PTPRD: variants seen among roughly 807,000 people sequenced by gnomAD.
PTPRD encodes the protein protein tyrosine phosphatase receptor type D, also known as receptor-type tyrosine-protein phosphatase delta.
In PTPRD, 34 loss-of-function variants were observed where a neutral mutation model predicts 214.5. That is an observed-to-expected ratio of 0.16 (90% confidence interval 0.12 to 0.21). The LOEUF (loss-of-function observed/expected upper bound fraction) is 0.21, where lower values mean the gene tolerates loss of function less well. PTPRD is among the 10% of genes least tolerant of loss of function. The pLI, the probability that PTPRD is intolerant of heterozygous loss-of-function variation, is 1.00. For missense variants in PTPRD, 2,545 were observed against 2,398.7 expected (o/e 1.06, Z -1.27); for synonymous variants, 1,128 against 845.7 (o/e 1.33, Z -5.79).
chr9:10,323,835 T>A (rs1039409362), intron 3 of PTPRD, among the ~76,000 whole-genome samples: 1 of 151,986 alleles, frequency 6.6e-6, no homozygotes, highest in Non-Finnish European at 1.5e-5. Context: ...AAAGAAGAGA[T>A]AACCTCCAAG....
intron 5 of PTPRD, among the ~76,000 whole-genome samples, chr9:9,879,861 G>T (rs1351467271): frequency 6.6e-6 from 1 of 152,172 alleles, no homozygotes; most frequent in Non-Finnish European, 1.5e-5. Context: ...AGAGCCTGGA[G>T]ATAAGAATAA....
At chr9:9,477,972 T>C (rs1007221149) in intron 8 of PTPRD, among the ~76,000 whole-genome samples, 1 of 152,216 alleles carries the variant, frequency 6.6e-6, no homozygotes, top group African/African-American at 2.4e-5. Flanking sequence ...CCAGGATTGA[T>C]AACCACTGGT....
At chr9:9,380,882 G>A (rs1048126176) in intron 9 of PTPRD, among the ~76,000 whole-genome samples, 3 of 152,078 alleles carry the variant, frequency 2.0e-5, no homozygotes, top group Non-Finnish European at 4.4e-5. Context: ...GTGTATATAT[G>A]TTAATAATTG....
chr9:9,789,790 CTGTCTCAAAAAAA>C (rs2098954067), intron 5 of PTPRD, among the ~76,000 whole-genome samples: 2 of 71,798 alleles, frequency 2.8e-5, no homozygotes, highest in African/African-American at 1.6e-4. Flanking sequence ...GAGCCAAACT[CTGTCTCAAAAAAA>C]AAAAAAAAAA....
At chr9:9,606,044 C>T (rs549117146) in intron 7 of PTPRD, among the ~76,000 whole-genome samples, 1 of 152,036 alleles carries the variant, frequency 6.6e-6, no homozygotes, top group South Asian at 2.1e-4. Context: ...AACTGTTCCA[C>T]AGTTTCTTTT....
chr9:10,493,127 T>C (rs1486074986), intron 2 of PTPRD, among the ~76,000 whole-genome samples: 1 of 152,120 alleles, frequency 6.6e-6, no homozygotes, highest in African/African-American at 2.4e-5. Context: ...AATCATCTCA[T>C]GCTTATGGAT....
intron 36 of PTPRD, among the ~76,000 whole-genome samples, chr9:8,392,191 C>T (rs1246029990): frequency 6.6e-6 from 1 of 152,060 alleles, no homozygotes; most frequent in African/African-American, 2.4e-5. Context: ...CTGAGCCAGT[C>T]TGAGCAACAT....
At chr9:8,447,435 C>T (rs2095775495) in intron 34 of PTPRD, among the ~76,000 whole-genome samples, 1 of 152,162 alleles carries the variant, frequency 6.6e-6, no homozygotes, top group Non-Finnish European at 1.5e-5. Flanking sequence ...AACAGATTCT[C>T]TCTATAAATG....
chr9:10,593,775 A>T (rs1032350974), intron 2 of PTPRD, among the ~76,000 whole-genome samples: 1 of 152,000 alleles, frequency 6.6e-6, no homozygotes, highest in Non-Finnish European at 1.5e-5. Flanking sequence ...GAAGCAAAAT[A>T]TGTTTTTCCA....
chr9:9,336,978 T>A (rs1221252376), intron 9 of PTPRD, among the ~76,000 whole-genome samples: 1 of 152,146 alleles, frequency 6.6e-6, no homozygotes, highest in Non-Finnish European at 1.5e-5. Context: ...AACTAATAGT[T>A]CTTTAAGGGA....
At chr9:9,875,554 A>G (rs2066609314) in intron 5 of PTPRD, among the ~76,000 whole-genome samples, 1 of 152,090 alleles carries the variant, frequency 6.6e-6, no homozygotes, top group African/African-American at 2.4e-5. Context: ...TAACTACCAG[A>G]ATTATTGTAG....
intron 8 of PTPRD, among the ~76,000 whole-genome samples, chr9:9,514,163 A>T (rs554531254): frequency 2.2e-4 from 34 of 152,148 alleles, no homozygotes; most frequent in Non-Finnish European, 3.4e-4. Context: ...ACAGACATGC[A>T]ATTTTTAAAT....
chr9:8,614,063 T>C (rs2095534674), intron 14 of PTPRD, among the ~76,000 whole-genome samples: 1 of 152,094 alleles, frequency 6.6e-6, no homozygotes, highest in African/African-American at 2.4e-5. Flanking sequence ...TTTGATATAG[T>C]GTTATTTTTA....
At chr9:9,246,518 C>T (rs757455725) in intron 9 of PTPRD, among the ~76,000 whole-genome samples, 1 of 152,092 alleles carries the variant, frequency 6.6e-6, no homozygotes, top group African/African-American at 2.4e-5. Flanking sequence ...GAAAATGCAT[C>T]AAGCTCAAAT....
chr9:8,866,795 G>T (rs989191862), intron 11 of PTPRD, among the ~76,000 whole-genome samples: 14 of 151,648 alleles, frequency 9.2e-5, no homozygotes, highest in African/African-American at 3.4e-4. Context: ...TTTTTTTCCT[G>T]ATTCCTCTAC....
intron 5 of PTPRD, among the ~76,000 whole-genome samples, chr9:9,832,288 T>C (rs1442356630): frequency 6.6e-6 from 1 of 151,854 alleles, no homozygotes; most frequent in Non-Finnish European, 1.5e-5. Flanking sequence ...AAGTAGACAA[T>C]GCATAGCAGG....
At chr9:9,471,958 AT>A (rs532357303) in intron 8 of PTPRD, among the ~76,000 whole-genome samples, 259 of 152,254 alleles carry the variant, frequency 1.7e-3, no homozygotes, top group Non-Finnish European at 2.8e-3. Flanking sequence ...TTTCCTATAA[AT>A]GAAAAACACA....
chr9:10,029,408 C>A (rs1164247002), intron 4 of PTPRD, among the ~76,000 whole-genome samples: 4 of 152,198 alleles, frequency 2.6e-5, no homozygotes, highest in Non-Finnish European at 4.4e-5. Flanking sequence ...AAGCCACAGA[C>A]ACTCAATGGC....
Position 8,753,665 on chromosome 9 carries a change from C to G in PTPRD, c.-103-19719G>C, listed in dbSNP as rs1011463160. The stretch of plus-strand genomic sequence containing the variant: ...CTAAATACAAGATCAATATAAGAAA[C>G]CAACTGTATTCAGAATAATTAGGTA... On this transcript the variant is annotated intron_variant, in intron 11 of 45. Transcript: ENST00000381196. 2.6e-5 allele frequency among the ~76,000 whole-genome samples: 4 copies of G among 152,010 alleles called. No individual in the cohort carries two copies. In the East Asian group the frequency reaches 7.7e-4, roughly 29 times the overall value.
Sources: gnomAD v4.1 joint callset for allele counts (sites outside exome capture counted in the v4.1 genomes callset) on GRCh38, gnomAD v4.1.1 for gene constraint, MANE v1.5 for transcripts, NCBI Gene and HGNC (gene_info 2026-07-23, HGNC 2026-07-21) for gene names.